SESN2: variants seen among roughly 807,000 people sequenced by gnomAD.
The protein encoded by SESN2 is sestrin-2.
A neutral mutation model predicts 56.0 loss-of-function variants in SESN2; 42 were observed. The observed-to-expected ratio is 0.75, with a 90% confidence interval of 0.59 to 0.97. The LOEUF (loss-of-function observed/expected upper bound fraction) is 0.97, where lower values mean the gene tolerates loss of function less well. SESN2 is among the 50% of genes least tolerant of loss of function. The pLI is 0.00. For synonymous variants in SESN2, 264 were observed against 267.1 expected, an observed-to-expected ratio of 0.99 and a Z score of 0.11; for missense variants, 507 against 649.4, an observed-to-expected ratio of 0.78 and a Z score of 2.38.
chr1:28,277,199 G>A (rs1345568457), intron 8 of SESN2, among the ~76,000 whole-genome samples: 2 of 114,944 alleles, frequency 1.7e-5, no homozygotes, highest in Admixed American at 1.0e-4. Flanking sequence ...GAGCCACTGC[G>A]CCTGGCTTTT....
At chr1:28,274,213 G>GTAAT in intron 7 of SESN2, 55 bp downstream of exon 7, 1 of 1,161,304 alleles carries the variant, frequency 8.6e-7, no homozygotes, top group Non-Finnish European at 1.3e-6. Context: ...AACAAGCAGT[G>GTAAT]GGTGGATAGT....
chr1:28,271,646 C>G, intron 2 of SESN2, 28 bp from the exon 3 acceptor site: 1 of 1,589,566 alleles, frequency 6.3e-7, no homozygotes, highest in South Asian at 1.1e-5. Context: ...GGAGGGAAAC[C>G]CATGCTCTCC....
In SESN2 at chr1:28,280,746, C is replaced by CAT; in HGVS notation, c.1387_1388insAT (p.Arg463HisfsTer18). The CAT allele has an allele frequency of 6.2e-7, 1 of 1,613,434 alleles. No homozygotes were observed. The highest frequency in any genetic ancestry group is 8.5e-7 in the Non-Finnish European group (1 of 1,179,982). On this transcript the variant is annotated frameshift_variant, in exon 10 of 10. Coordinates refer to ENST00000253063, the MANE Select transcript of SESN2 (RefSeq NM_031459.5). LOFTEE classifies it high-confidence loss of function. ...CGTGAACTTGCTGCTCCTGGAGGCG[C>CAT]GCATGCAAGCCGCTCTGCTGTACGC...
chr1:28,273,798 A>T (rs1279772731), intron 6 of SESN2, among the ~76,000 whole-genome samples: 8 of 152,098 alleles, frequency 5.3e-5, no homozygotes, highest in Non-Finnish European at 1.5e-5. Context: ...CCCAGGGGGA[A>T]CCGCTCCATA....
At chr1:28,278,012 C>T (rs1648111121) in intron 8 of SESN2, among the ~76,000 whole-genome samples, 1 of 152,206 alleles carries the variant, frequency 6.6e-6, no homozygotes, top group Non-Finnish European at 1.5e-5. Context: ...TCTGTCTACA[C>T]TGATCTGTTT....
rs1056789722 is a variant in SESN2, at chr1:28,275,071, GTTCACAGTTGT to G, written c.1211+60_1211+70del. The G allele has an allele frequency of 4.0e-6, 5 of 1,241,272 alleles. No homozygotes were observed. In the African/African-American group the frequency reaches 6.0e-5, roughly 15 times the overall value. 76.9% of individuals were successfully genotyped at this position (1,241,272 alleles called of 1,614,324 possible). A position where few individuals can be genotyped will look rare whatever the true frequency, so the allele number is the denominator to read the frequency against. On this transcript the variant is annotated intron_variant, in intron 8 of 9. Transcript: ENST00000253063. Reference sequence around the variant, plus strand: ...TGTGCACTGTAAGTCTTCACTCTGGGTTCACAGTTGTTTCCATTTTCTTTTTGTTTTTTTCT... The same window carrying G: ...TGTGCACTGTAAGTCTTCACTCTGGGTTCCATTTTCTTTTTGTTTTTTTCT...
At chr1:28,273,237 A>T in intron 5 of SESN2, 121 bp from the exon 6 acceptor site, 6 of 936,934 alleles carry the variant, frequency 6.4e-6, no homozygotes, top group Middle Eastern at 3.5e-4. Flanking sequence ...AGTGGCTGGC[A>T]CAGAGGATGC....
intron 1 of SESN2, among the ~76,000 whole-genome samples, chr1:28,265,674 C>T (rs1191699552): frequency 1.3e-5 from 2 of 152,140 alleles, no homozygotes; most frequent in Non-Finnish European, 2.9e-5. Context: ...GGATTTCAGG[C>T]GTGAGCCACT....
At chr1:28,262,503 C>T (rs904973690) in intron 1 of SESN2, among the ~76,000 whole-genome samples, 9 of 150,610 alleles carry the variant, frequency 6.0e-5, no homozygotes, top group South Asian at 2.1e-4. Flanking sequence ...TGGTGGTGTG[C>T]GCCAGCTACT....
Position 28,280,741 on chromosome 1 carries a change from A to G in SESN2, c.1382A>G (p.Glu461Gly), listed in dbSNP as rs1388354029. The G allele has an allele frequency of 6.2e-7, 1 of 1,613,354 alleles. No homozygotes were observed. The highest frequency in any genetic ancestry group is 8.5e-7 in the Non-Finnish European group (1 of 1,179,960). The change falls in exon 10 of 10, where the codon GAG becomes GGG. Residue 461 changes from glutamate to glycine, a missense_variant. Glu to Gly is a moderately conservative substitution (Grantham distance 98). Coordinates refer to ENST00000253063, the MANE Select transcript of SESN2 (RefSeq NM_031459.5). ...EKVHVNLLLL[E>G]ARMQAALLYA... Reference sequence around the variant, plus strand: ...GTCCACGTGAACTTGCTGCTCCTGGAGGCGCGCATGCAAGCCGCTCTGCTG... The same window carrying G: ...GTCCACGTGAACTTGCTGCTCCTGGGGGCGCGCATGCAAGCCGCTCTGCTG...
Position 28,259,911 on chromosome 1 carries a change from G to C in SESN2, c.64G>C (p.Gly22Arg). 1 of 1,476,820 alleles carries C rather than the reference G, an allele frequency of 6.8e-7. No individual in the cohort carries two copies. Among genetic ancestry groups the C allele is most frequent in the Non-Finnish European group, 8.9e-7 (1 of 1,119,080 alleles). The allele number at this position is 1,476,820 out of a possible 1,614,324, so 91.5% of individuals were successfully genotyped here. Residue 22 changes from glycine (G) to arginine (R), a missense_variant, in exon 1 of 10, where the codon GGC becomes CGC. Physicochemically the swap from Gly to Arg is moderately radical, Grantham distance 125. Coordinates refer to ENST00000253063, the MANE Select transcript of SESN2 (RefSeq NM_031459.5). The stretch of plus-strand genomic sequence containing the variant: ...GGACTACCTGCGGTTCGCCCCGGGC[G>C]GCGTCGGCGACTCGGGCCCCGGAGA... ...LKDYLRFAPG[G>R]VGDSGPGEEQ...
At chr1:28,262,147 G>A (rs1160440299) in intron 1 of SESN2, among the ~76,000 whole-genome samples, 4 of 152,124 alleles carry the variant, frequency 2.6e-5, no homozygotes, top group African/African-American at 7.2e-5. Context: ...TCTGCTTTGA[G>A]TGGTGGCATC....
intron 1 of SESN2, among the ~76,000 whole-genome samples, chr1:28,265,346 A>G (rs577192657): frequency 6.6e-6 from 1 of 151,966 alleles, no homozygotes; most frequent in South Asian, 2.1e-4. Flanking sequence ...AGGGCTTTAT[A>G]CTCGCGTTCC....
rs1443108497 is a variant in SESN2 at position 28,282,377 on chromosome 1, A to G, written c.*1575A>G. ...GTTCTAGAGGGCATGTGATGACTGT[A>G]AATGTTCACTGGGTGGGTAGGGAGT... On this transcript the variant is annotated 3_prime_UTR_variant, in exon 10 of 10. Transcript: ENST00000253063. 1 of 152,268 alleles carries G rather than the reference A, an allele frequency of 6.6e-6. No homozygotes were observed. Among genetic ancestry groups the G allele is most frequent in the Non-Finnish European group, 1.5e-5 (1 of 68,074 alleles). The allele number at this position is 152,268 out of a possible 1,614,324, so 9.4% of individuals were successfully genotyped here.
chr1:28,273,250 TG>T, intron 5 of SESN2, 107 bp from the exon 6 acceptor site: 1 of 1,097,278 alleles, frequency 9.1e-7, no homozygotes, highest in Non-Finnish European at 1.3e-6. Flanking sequence ...GAGGATGCCC[TG>T]GGCCTTTGTG....
At chr1:28,279,597 G>A (rs1015219436) in intron 9 of SESN2, among the ~76,000 whole-genome samples, 1 of 151,866 alleles carries the variant, frequency 6.6e-6, no homozygotes, top group African/African-American at 2.4e-5. Flanking sequence ...CCAGGCTGGA[G>A]TGCAGTGGCA....
chr1:28,270,633 A>G (rs1647736011), intron 2 of SESN2, among the ~76,000 whole-genome samples: 1 of 151,428 alleles, frequency 6.6e-6, no homozygotes, highest in Non-Finnish European at 1.5e-5. Flanking sequence ...GTGCAATGGC[A>G]CGATCTTGGC....
At chr1:28,267,134 T>C (rs573052069) in intron 1 of SESN2, among the ~76,000 whole-genome samples, 14 of 152,252 alleles carry the variant, frequency 9.2e-5, no homozygotes, top group Admixed American at 2.6e-4. Flanking sequence ...GCAATCCTTA[T>C]CTCCTATACA....
Position 28,269,228 on chromosome 1 carries a change from G to T in SESN2, c.136G>T (p.Ala46Ser). The stretch of plus-strand genomic sequence containing the variant: ...TCGGCGAGGCCCTCGAGGGCCCAGC[G>T]CCTTCATCCCCGTGGAGGAGGTAAG... ...RARRGPRGPS[A>S]FIPVEEVLRE... The change falls in exon 2 of 10, where the codon GCC becomes TCC. Residue 46 changes from alanine to serine, a missense_variant. Ala to Ser is a moderately conservative substitution (Grantham distance 99). Coordinates refer to ENST00000253063, the MANE Select transcript of SESN2 (RefSeq NM_031459.5). 1.2e-6 allele frequency: 2 copies of T among 1,612,780 alleles called. No homozygotes were observed. The highest frequency in any genetic ancestry group is 2.2e-5 in the East Asian group (1 of 44,768).
Sources: gnomAD v4.1 joint callset for allele counts (sites outside exome capture counted in the v4.1 genomes callset) on GRCh38, gnomAD v4.1.1 for gene constraint, MANE v1.5 for transcripts, NCBI Gene and HGNC (gene_info 2026-07-23, HGNC 2026-07-21) for gene names.